Variants in SGCG observed in about 807,000 individuals in gnomAD.
SGCG encodes gamma-sarcoglycan.
SGCG carries 26 observed loss-of-function variants against 29.3 expected under a neutral mutation model. That is an observed-to-expected ratio of 0.89 (90% CI 0.65 to 1.23). The LOEUF (loss-of-function observed/expected upper bound fraction) is 1.23. SGCG is among the 50% of genes most tolerant of loss of function. The pLI, the probability that SGCG is intolerant of heterozygous loss-of-function variation, is 0.00. For synonymous variants in SGCG, 145 were observed against 129.7 expected, an observed-to-expected ratio of 1.12 and a Z score of -0.80; for missense variants, 353 against 356.0, an observed-to-expected ratio of 0.99 and a Z score of 0.07.
intron 2 of SGCG, among the ~76,000 whole-genome samples, chr13:23,228,362 G>T (rs371569074): frequency 6.6e-6 from 1 of 152,074 alleles, no homozygotes; most frequent in East Asian, 1.9e-4. Flanking sequence ...GAAGTTTATA[G>T]ATTTATTTTT....
chr13:23,266,470 C>T (rs534239012), intron 4 of SGCG, among the ~76,000 whole-genome samples: 5 of 152,138 alleles, frequency 3.3e-5, no homozygotes, highest in African/African-American at 1.2e-4. Context: ...CACATGTTCT[C>T]ACTTATAAGT....
upstream of SGCG, among the ~76,000 whole-genome samples, chr13:23,178,343 G>A (rs1156237548): frequency 6.6e-6 from 1 of 152,182 alleles, no homozygotes; most frequent in East Asian, 1.9e-4. Context: ...GTGAGTGAGG[G>A]AGAGCCCTAA....
At chr13:23,185,037 C>A (rs368428932) in intron 1 of SGCG, among the ~76,000 whole-genome samples, 2 of 152,298 alleles carry the variant, frequency 1.3e-5, no homozygotes, top group African/African-American at 2.4e-5. Context: ...CAGATGTCCT[C>A]GCAGAAGTGT....
intron 2 of SGCG, among the ~76,000 whole-genome samples, chr13:23,215,299 T>C (rs930886773): frequency 6.6e-6 from 1 of 152,220 alleles, no homozygotes; most frequent in Non-Finnish European, 1.5e-5. Context: ...AAACTGTTAA[T>C]GTCTTCTGGT....
chr13:23,238,004 A>G (rs538713992), intron 3 of SGCG, among the ~76,000 whole-genome samples: 1 of 152,074 alleles, frequency 6.6e-6, no homozygotes, highest in African/African-American at 2.4e-5. Context: ...GAATAGGTTT[A>G]CCCTCCTGCA....
intron 6 of SGCG, among the ~76,000 whole-genome samples, chr13:23,306,870 A>AGT (rs925771730): frequency 2.3e-4 from 35 of 152,376 alleles, no homozygotes; most frequent in African/African-American, 7.2e-4. Context: ...GAGCACAGTC[A>AGT]GTGCTCATAC....
At chr13:23,267,117 A>G (rs762019572) in intron 4 of SGCG, among the ~76,000 whole-genome samples, 23 of 152,214 alleles carry the variant, frequency 1.5e-4, no homozygotes, top group Non-Finnish European at 3.1e-4. Flanking sequence ...CCAATAAGAA[A>G]AATCAATTTT....
intron 6 of SGCG, among the ~76,000 whole-genome samples, chr13:23,310,164 G>T (rs568810057): frequency 1.5e-5 from 2 of 129,134 alleles, no homozygotes; most frequent in Admixed American, 1.9e-4. Context: ...TCGGCTCACT[G>T]CAAGCTCCGC....
At chr13:23,306,578 G>A (rs1348484002) in intron 6 of SGCG, among the ~76,000 whole-genome samples, 1 of 152,140 alleles carries the variant, frequency 6.6e-6, no homozygotes, top group Non-Finnish European at 1.5e-5. Flanking sequence ...AAATACAAGT[G>A]ATCACTGAAG....
rs189008565 is a variant in SGCG, at chr13:23,245,564, G to A, written c.298-5066G>A. 7.9e-5 allele frequency: 12 copies of A among 152,280 alleles called. No homozygotes were observed. The East Asian group carries it at 2.1e-3, about 27-fold the overall frequency. 9.4% of individuals were successfully genotyped at this position (152,280 alleles called of 1,614,324 possible). A position where few individuals can be genotyped will look rare whatever the true frequency, so the allele number is the denominator to read the frequency against. On this transcript the variant is annotated intron_variant, in intron 3 of 7. Transcript: ENST00000218867. ...AAGAGAAAGAGTCAGCCCCAGAGAT[G>A]AGCAGCTCCTGTGACAAGAGGGTGA... is the stretch of plus-strand genomic sequence containing the variant.
intron 4 of SGCG, among the ~76,000 whole-genome samples, chr13:23,265,581 A>T (rs141716764): frequency 0.014 from 2,140 of 152,302 alleles, 20 homozygotes; most frequent in Non-Finnish European, 0.023. Flanking sequence ...CGTCTCAAAA[A>T]AAATAAATAA....
At chr13:23,278,815 G>A (rs1024882697) in intron 4 of SGCG, among the ~76,000 whole-genome samples, 11 of 152,204 alleles carry the variant, frequency 7.2e-5, no homozygotes, top group African/African-American at 2.7e-4. Flanking sequence ...ATGTCTTAGG[G>A]GAAGGGCAAA....
At chr13:23,282,695 A>G (rs1881351800) in intron 5 of SGCG, among the ~76,000 whole-genome samples, 1 of 133,780 alleles carries the variant, frequency 7.5e-6, no homozygotes, top group South Asian at 2.6e-4. Context: ...ATAGTATTCC[A>G]CATTTTCTTT....
At chr13:23,269,905 C>T (rs1880804038) in intron 4 of SGCG, among the ~76,000 whole-genome samples, 1 of 135,476 alleles carries the variant, frequency 7.4e-6, no homozygotes, top group African/African-American at 2.7e-5. Flanking sequence ...GGCGGAGTCT[C>T]CCTCTGTCGC....
chr13:23,208,361 A>T (rs1320124920), intron 2 of SGCG, among the ~76,000 whole-genome samples: 1 of 152,188 alleles, frequency 6.6e-6, no homozygotes, highest in Non-Finnish European at 1.5e-5. Context: ...GTTTCACTGT[A>T]GAAAACAGTA....
intron 4 of SGCG, among the ~76,000 whole-genome samples, chr13:23,276,200 G>C (rs1037054010): frequency 2.6e-5 from 4 of 151,834 alleles, no homozygotes; most frequent in Non-Finnish European, 4.4e-5. Flanking sequence ...AAAACCGCTA[G>C]AATATTAATA....
chr13:23,238,927 A>G (rs971887487), intron 3 of SGCG, among the ~76,000 whole-genome samples: 6 of 152,158 alleles, frequency 3.9e-5, no homozygotes, highest in Non-Finnish European at 8.8e-5. Context: ...CATATCAGTA[A>G]CTTTCTTTTT....
chr13:23,278,443 CAAA>C (rs35645325), intron 4 of SGCG, among the ~76,000 whole-genome samples: 61,729 of 129,488 alleles, frequency 0.48, 13,713 homozygotes, highest in Middle Eastern at 0.66. Flanking sequence ...AACTCTGTCT[CAAA>C]AAAAAAAAAA....
chr13:23,283,233 T>G (rs994055342), intron 5 of SGCG, among the ~76,000 whole-genome samples: 12 of 152,204 alleles, frequency 7.9e-5, no homozygotes, highest in Non-Finnish European at 1.8e-4. Flanking sequence ...AGTCTCCTAC[T>G]ATTATTGTGT....
Sources: gnomAD v4.1 joint callset for allele counts (sites outside exome capture counted in the v4.1 genomes callset) on GRCh38, gnomAD v4.1.1 for gene constraint, MANE v1.5 for transcripts, NCBI Gene and HGNC (gene_info 2026-07-23, HGNC 2026-07-21) for gene names.